Variants in SNX29 observed in about 807,000 individuals in gnomAD.
The protein encoded by SNX29 is sorting nexin 29, also known as sorting nexin-29.
In SNX29, 78 loss-of-function variants were observed where a neutral mutation model predicts 102.1. The observed-to-expected ratio is 0.76, with a 90% CI of 0.64 to 0.92. The LOEUF is 0.92. Ranked by LOEUF, SNX29 falls within the 40% of genes least tolerant of loss-of-function variation. SNX29 has a pLI of 0.00. For synonymous variants in SNX29, 580 were observed against 414.5 expected, an observed-to-expected ratio of 1.40 and a Z score of -4.85; for missense variants, 1,280 against 1,061.7, an observed-to-expected ratio of 1.21 and a Z score of -2.86.
At chr16:12,245,310 A>C (rs2142332111) in intron 14 of SNX29, among the ~76,000 whole-genome samples, 1 of 152,208 alleles carries the variant, frequency 6.6e-6, no homozygotes, top group Non-Finnish European at 1.5e-5. Flanking sequence ...GCTCCCTCAC[A>C]AGTTTGTTGA....
At chr16:12,152,957 T>G (rs1468615866) in intron 13 of SNX29, among the ~76,000 whole-genome samples, 1 of 152,216 alleles carries the variant, frequency 6.6e-6, no homozygotes, top group Non-Finnish European at 1.5e-5. Flanking sequence ...ATGCAGACTC[T>G]GCTAGAACGT....
At chr16:12,024,498 G>A (rs2057133224) in intron 3 of SNX29, among the ~76,000 whole-genome samples, 1 of 152,146 alleles carries the variant, frequency 6.6e-6, no homozygotes, top group African/African-American at 2.4e-5. Flanking sequence ...AACTGGAGGT[G>A]GAAAGGGCAT....
At chr16:12,536,325 A>C (rs966477993) in intron 20 of SNX29, among the ~76,000 whole-genome samples, 3 of 152,098 alleles carry the variant, frequency 2.0e-5, no homozygotes, top group Non-Finnish European at 4.4e-5. Flanking sequence ...AGAAATTACT[A>C]ATGCAGCAGG....
intron 18 of SNX29, among the ~76,000 whole-genome samples, chr16:12,471,690 G>T (rs908023577): frequency 6.6e-6 from 1 of 152,246 alleles, no homozygotes; most frequent in Non-Finnish European, 1.5e-5. Context: ...CGAAGGCAGG[G>T]CTATGTTTTG....
chr16:12,290,042 G>C (rs1190295849), intron 15 of SNX29, among the ~76,000 whole-genome samples: 1 of 152,130 alleles, frequency 6.6e-6, no homozygotes, highest in African/African-American at 2.4e-5. Context: ...GGCGGAGGGA[G>C]GGACTTGTTG....
In SNX29 at chr16:12,571,595, C is replaced by G; in HGVS notation, c.*2966C>G. ...GTCTTCATGGCCTGCTGTGCTGAAACAGAACAGCAGGTTCCATCTTTCACA... is the reference window on the plus strand; with the variant it reads ...GTCTTCATGGCCTGCTGTGCTGAAAGAGAACAGCAGGTTCCATCTTTCACA... On this transcript the variant is annotated 3_prime_UTR_variant, in exon 21 of 21. Transcript: ENST00000566228. The G allele has an allele frequency of 1.0e-5, 11 of 1,059,848 alleles. No homozygotes were observed. The highest frequency in any genetic ancestry group is 1.3e-5 in the Non-Finnish European group (11 of 875,484). 65.7% of individuals were successfully genotyped at this position (1,059,848 alleles called of 1,614,324 possible).
chr16:11,995,276 G>C (rs2056021710), intron 1 of SNX29, among the ~76,000 whole-genome samples: 1 of 152,156 alleles, frequency 6.6e-6, no homozygotes. Flanking sequence ...ATGTTGGCCA[G>C]GCTGGTCTTG....
intron 18 of SNX29, among the ~76,000 whole-genome samples, chr16:12,412,346 A>G (rs565996149): frequency 2.0e-5 from 3 of 152,256 alleles, no homozygotes; most frequent in East Asian, 1.9e-4. Context: ...TCCTCACCCA[A>G]CCACCAAGGC....
rs574492789 is a variant in SNX29 at position 12,316,938 on chromosome 16, AT to A, written c.1782+38904del. Among the ~76,000 whole-genome samples the A allele has an allele frequency of 2.8e-3, 421 of 152,342 alleles. 1 individual carries two copies. Among genetic ancestry groups the A allele is most frequent in the African/African-American group, 9.7e-3 (403 of 41,582 alleles). ...TCTCATTCTGGTTATTGGATTCAAAATTGATCATACAGTGGTGGCTAGGGCA... is the reference window on the plus strand; with the variant it reads ...TCTCATTCTGGTTATTGGATTCAAAATGATCATACAGTGGTGGCTAGGGCA... On this transcript the variant is annotated intron_variant, in intron 15 of 20. Coordinates refer to ENST00000566228, the MANE Select transcript of SNX29 (RefSeq NM_032167.5).
In SNX29 at chr16:12,245,124, A is replaced by G. The variant is rs114453416; in HGVS notation, c.1679-32809A>G. Among the ~76,000 whole-genome samples the G allele has an allele frequency of 5.0e-3, 762 of 152,234 alleles. 4 individuals carry two copies. Among genetic ancestry groups the G allele is most frequent in the African/African-American group, 0.017 (727 of 41,562 alleles). On this transcript the variant is annotated intron_variant, in intron 14 of 20. Transcript: ENST00000566228. The stretch of plus-strand genomic sequence containing the variant: ...CTAAATGGTATATTTAAATTGAACA[A>G]TGGGAAGATTTTTGTTGTTGGATTC...
intron 3 of SNX29, among the ~76,000 whole-genome samples, chr16:12,014,085 C>T (rs2056768873): frequency 6.6e-6 from 1 of 152,132 alleles, no homozygotes; most frequent in South Asian, 2.1e-4. Context: ...GTGCATGCCA[C>T]TGTGCCTGGC....
intron 11 of SNX29, among the ~76,000 whole-genome samples, chr16:12,091,026 A>G (rs1296906859): frequency 3.7e-5 from 5 of 134,346 alleles, no homozygotes; most frequent in African/African-American, 1.4e-4. Context: ...AAAAAAAAAA[A>G]AAAAAAAAAA....
chr16:12,104,628 C>T, intron 11 of SNX29, among the ~76,000 whole-genome samples: 1 of 151,492 alleles, frequency 6.6e-6, no homozygotes. Flanking sequence ...CTTTGACCTT[C>T]AGGTTCTCCA....
At chr16:12,299,781 T>G (rs1394272937) in intron 15 of SNX29, among the ~76,000 whole-genome samples, 3 of 77,130 alleles carry the variant, frequency 3.9e-5, no homozygotes, top group Non-Finnish European at 5.8e-5. Context: ...AATTTCGAAT[T>G]TTTTTTTTTT....
At chr16:12,408,158 A>C (rs12918066) in intron 18 of SNX29, among the ~76,000 whole-genome samples, 92 of 45,454 alleles carry the variant, frequency 2.0e-3, no homozygotes, top group South Asian at 0.013. Flanking sequence ...GACCCTTCTC[A>C]AAAAAACAAA....
intron 20 of SNX29, among the ~76,000 whole-genome samples, chr16:12,536,728 A>G (rs1476563545): frequency 6.6e-6 from 1 of 152,196 alleles, no homozygotes; most frequent in Non-Finnish European, 1.5e-5. Context: ...CTGTAATCTC[A>G]ACACTTTGGG....
At chr16:11,989,153 G>A (rs899311444) in intron 1 of SNX29, among the ~76,000 whole-genome samples, 2 of 151,800 alleles carry the variant, frequency 1.3e-5, no homozygotes, top group African/African-American at 4.8e-5. Flanking sequence ...TTGTATTTTC[G>A]GTAGAAACGG....
chr16:12,563,169 G>A (rs1427225586), intron 20 of SNX29, among the ~76,000 whole-genome samples: 2 of 148,992 alleles, frequency 1.3e-5, no homozygotes, highest in Admixed American at 6.7e-5. Context: ...GCAACTCTGG[G>A]CTCAGGGATG....
intron 3 of SNX29, among the ~76,000 whole-genome samples, chr16:12,008,300 G>A (rs62037700): frequency 4.7e-5 from 7 of 150,302 alleles, no homozygotes; most frequent in Admixed American, 2.0e-4. Context: ...ATGGAGTTTC[G>A]CTCTTGTTGC....
Sources: allele counts gnomAD v4.1 joint callset (sites outside exome capture counted in the v4.1 genomes callset), GRCh38; gene constraint gnomAD v4.1.1; transcripts MANE v1.5; gene names NCBI Gene and HGNC (gene_info 2026-07-23, HGNC 2026-07-21).